MLLT3: variants seen among roughly 807,000 people sequenced by gnomAD.
The protein encoded by MLLT3 is protein AF-9.
In MLLT3, 4 loss-of-function variants were observed where a neutral mutation model predicts 53.2. The observed-to-expected ratio is 0.08, with a 90% CI of 0.04 to 0.17. MLLT3 has a LOEUF of 0.17. Among genes scored for constraint, MLLT3 ranks in the 10% least tolerant of loss-of-function variants. The pLI is 1.00. For synonymous variants in MLLT3, 283 were observed against 230.6 expected, an observed-to-expected ratio of 1.23 and a Z score of -2.06; for missense variants, 569 against 684.0, an observed-to-expected ratio of 0.83 and a Z score of 1.87.
chr9:20,377,689 T>C (rs1821802621), intron 5 of MLLT3, among the ~76,000 whole-genome samples: 1 of 152,180 alleles, frequency 6.6e-6, no homozygotes, highest in Non-Finnish European at 1.5e-5. Context: ...TTTTAATCTT[T>C]GGACTATCTT....
chr9:20,414,719 C>T (rs1254185422), intron 4 of MLLT3, among the ~76,000 whole-genome samples: 4 of 152,072 alleles, frequency 2.6e-5, no homozygotes, highest in Non-Finnish European at 4.4e-5. Flanking sequence ...ACTGCTTGTC[C>T]TAGAAGATAC....
At position 20,414,125 on chromosome 9, in the gene MLLT3, G is replaced by T; in HGVS notation, c.721C>A (p.Pro241Thr). ...GGAACTATTTTCTCTTCTTTCAGTG[G>T]TTTATTTTCTTTGGGTTTCTTAGAG... ...ESSKKPKENK[P>T]LKEEKIVPKM... is the part of the protein sequence containing the mutation. The change falls in exon 5 of 11, where the codon CCA becomes ACA. Residue 241 changes from proline (P) to threonine (T), a missense_variant. Pro to Thr is a conservative substitution (Grantham distance 38, BLOSUM62 -1). Transcript: ENST00000380338. The T allele has an allele frequency of 6.2e-7, 1 of 1,613,788 alleles. No individual in the cohort carries two copies. The highest frequency in any genetic ancestry group is 8.5e-7 in the Non-Finnish European group (1 of 1,179,960).
chr9:20,369,587 G>A (rs1415140694), intron 5 of MLLT3, among the ~76,000 whole-genome samples: 1 of 152,156 alleles, frequency 6.6e-6, no homozygotes, highest in African/African-American at 2.4e-5. Flanking sequence ...TGCTCAAAGA[G>A]CCACTCTGCC....
chr9:20,348,559 C>G (rs374399736), intron 10 of MLLT3, among the ~76,000 whole-genome samples: 14 of 152,146 alleles, frequency 9.2e-5, no homozygotes, highest in Admixed American at 7.9e-4. Context: ...GCCACTATCT[C>G]GACCACGGAT....
At chr9:20,479,161 T>C (rs556209895) in intron 2 of MLLT3, among the ~76,000 whole-genome samples, 1 of 152,254 alleles carries the variant, frequency 6.6e-6, no homozygotes, top group East Asian at 1.9e-4. Flanking sequence ...CCTTTACAAG[T>C]TTAAATGTTT....
At chr9:20,441,325 AC>A (rs1823546536) in intron 4 of MLLT3, among the ~76,000 whole-genome samples, 1 of 152,134 alleles carries the variant, frequency 6.6e-6, no homozygotes, top group Admixed American at 6.6e-5. Context: ...AAATCATAAA[AC>A]CACTAAATAG....
Position 20,621,487 on chromosome 9 carries a change from T to A in MLLT3, c.13-653A>T, listed in dbSNP as rs1270847618. ...GCCCGCAGGAAAACACGCCGAGGCATCCATAACTTAGAGCACCCCGCACCC... is the reference window on the plus strand; with the variant it reads ...GCCCGCAGGAAAACACGCCGAGGCAACCATAACTTAGAGCACCCCGCACCC... On this transcript the variant is annotated intron_variant, in intron 1 of 10. Coordinates refer to ENST00000380338, the MANE Select transcript of MLLT3 (RefSeq NM_004529.4). This position sits in a 1 kb window ranked among gnomAD's most constrained non-coding sequence, Gnocchi z 7.0. 2.0e-5 allele frequency among the ~76,000 whole-genome samples: 3 copies of A among 151,648 alleles called. No homozygotes were observed. The highest frequency in any genetic ancestry group is 6.6e-5 in the Admixed American group (1 of 15,260).
At chr9:20,362,667 A>G (rs1030530815) in intron 7 of MLLT3, 1 of 150,174 alleles carries the variant, frequency 6.7e-6, no homozygotes, top group Non-Finnish European at 1.5e-5. Context: ...AGCATTGGCA[A>G]TTAGGAAGCA....
intron 8 of MLLT3, among the ~76,000 whole-genome samples, chr9:20,358,236 C>A (rs1294104364): frequency 6.6e-6 from 1 of 152,068 alleles, no homozygotes; most frequent in African/African-American, 2.4e-5. Flanking sequence ...TTTAAGAAAC[C>A]TTTACTTGTC....
At position 20,341,866 on chromosome 9, in the gene MLLT3, T is replaced by C. The variant is rs907316381; in HGVS notation, c.*4577A>G. On this transcript the variant is annotated 3_prime_UTR_variant, in exon 11 of 11. Coordinates refer to ENST00000380338, the MANE Select transcript of MLLT3 (RefSeq NM_004529.4). ...GGAAAGAAAAAATACCGGGCACACA[T>C]AGCCCAGTTTATGCCAAAAAATGTA... 2 of 204,068 alleles carry C rather than the reference T, an allele frequency of 9.8e-6. No homozygotes were observed. Among genetic ancestry groups the C allele is most frequent in the Admixed American group, 6.0e-5 (1 of 16,754 alleles). The allele number at this position is 204,068 out of a possible 1,614,324, so 12.6% of individuals were successfully genotyped here. A position where few individuals can be genotyped will look rare whatever the true frequency, so the allele number is the denominator to read the frequency against.
At chr9:20,427,611 A>G (rs1422534443) in intron 4 of MLLT3, among the ~76,000 whole-genome samples, 1 of 151,990 alleles carries the variant, frequency 6.6e-6, no homozygotes, top group Non-Finnish European at 1.5e-5. Context: ...AAAATAATAT[A>G]CATAAATTAA....
At chr9:20,551,926 CT>C (rs1398695486) in intron 2 of MLLT3, among the ~76,000 whole-genome samples, 1 of 152,176 alleles carries the variant, frequency 6.6e-6, no homozygotes, top group Non-Finnish European at 1.5e-5. Flanking sequence ...CCCCATCCCC[CT>C]ACGTGCACAA....
At chr9:20,532,054 A>G (rs1818352514) in intron 2 of MLLT3, among the ~76,000 whole-genome samples, 1 of 152,128 alleles carries the variant, frequency 6.6e-6, no homozygotes. Flanking sequence ...AAACGATTGC[A>G]AGTTGTTTTC....
intron 8 of MLLT3, among the ~76,000 whole-genome samples, chr9:20,355,095 TAAAAAAAAAAA>T (rs531598773): frequency 1.6e-5 from 1 of 64,142 alleles, no homozygotes; most frequent in Admixed American, 1.8e-4. Context: ...AAAGTAGAAC[TAAAAAAAAAAA>T]AAAAAAAAAA....
chr9:20,411,219 A>G (rs764742397), intron 5 of MLLT3: 1 of 152,776 alleles, frequency 6.5e-6, no homozygotes, highest in Non-Finnish European at 1.5e-5. Context: ...GTTCTCCATT[A>G]CAAGTGTCCC....
At chr9:20,441,710 T>C (rs936461068) in intron 4 of MLLT3, among the ~76,000 whole-genome samples, 3 of 152,094 alleles carry the variant, frequency 2.0e-5, no homozygotes, top group African/African-American at 7.2e-5. Flanking sequence ...CAGAAAATAA[T>C]CAAAAAGGTA....
rs1452517556 is a variant in MLLT3 at position 20,363,596 on chromosome 9, C to A, written c.1211G>T (p.Arg404Met). The A allele has an allele frequency of 6.2e-7, 1 of 1,613,544 alleles. No homozygotes were observed. Among genetic ancestry groups the A allele is most frequent in the South Asian group, 1.1e-5 (1 of 91,050 alleles). The change falls in exon 7 of 11, where the codon AGG (arginine) becomes ATG (methionine). Residue 404 changes from arginine (R) to methionine (M), a missense_variant. Arg to Met is a moderately conservative substitution (Grantham distance 91). Transcript: ENST00000380338. ...AGAATGCAGATCTTTCATTATAGACCTCAAAGGACCTGAGTAATGACAATG... is the reference window on the plus strand; with the variant it reads ...AGAATGCAGATCTTTCATTATAGACATCAAAGGACCTGAGTAATGACAATG... ...PSQTRQQGPL[R>M]SIMKDLHSDD... is the part of the protein sequence containing the mutation.
intron 2 of MLLT3, among the ~76,000 whole-genome samples, chr9:20,591,187 T>A (rs1419313657): frequency 1.3e-5 from 2 of 152,206 alleles, no homozygotes; most frequent in African/African-American, 4.8e-5. Flanking sequence ...TTCTCTCCAA[T>A]TTATTTAGTA....
At chr9:20,470,051 T>C (rs1378810718) in intron 2 of MLLT3, among the ~76,000 whole-genome samples, 4 of 152,010 alleles carry the variant, frequency 2.6e-5, no homozygotes, top group Admixed American at 2.6e-4. Flanking sequence ...AAAGAAATTT[T>C]ATGAAGAAAA....
Sources: allele counts gnomAD v4.1 joint callset (sites outside exome capture counted in the v4.1 genomes callset), GRCh38; gene constraint gnomAD v4.1.1; non-coding constraint Gnocchi (gnomAD v3.1); transcripts MANE v1.5; gene names NCBI Gene and HGNC (gene_info 2026-07-23, HGNC 2026-07-21).